ARHGEF15: variants seen among roughly 807,000 people sequenced by gnomAD.
ARHGEF15 encodes the protein Rho guanine nucleotide exchange factor (GEF) 15.
A neutral mutation model predicts 79.7 loss-of-function variants in ARHGEF15; 58 were observed. The observed-to-expected ratio is 0.73, with a 90% CI of 0.59 to 0.91. The LOEUF (loss-of-function observed/expected upper bound fraction) is 0.91. ARHGEF15 is among the 40% of genes least tolerant of loss of function. The probability of loss-of-function intolerance (pLI) is 0.00; values close to 1 mark genes in which losing one functional copy is unlikely to be tolerated. For synonymous variants in ARHGEF15, 442 were observed against 456.0 expected (o/e 0.97, Z 0.39); for missense variants, 1,012 against 1,108.1 (o/e 0.91, Z 1.23).
chr17:8,314,263 A>T (rs1904860188), intron 4 of ARHGEF15, among the ~76,000 whole-genome samples: 1 of 152,136 alleles, frequency 6.6e-6, no homozygotes, highest in South Asian at 2.1e-4. Flanking sequence ...GCTATCCAGG[A>T]TTGTTAATTA....
chr17:8,320,930 G>C lies in ARHGEF15; in HGVS notation c.2463G>C (p.Gln821His), dbSNP rs112463375. 392 of 1,614,014 alleles carry C rather than the reference G, an allele frequency of 2.4e-4. 3 individuals carry two copies. The African/African-American group carries it at 4.3e-3, about 18-fold the overall frequency. The part of the protein sequence containing the change: ...GEHERRRHLR[Q>H]NQRLLEAVGS... Reference sequence around the variant, plus strand: ...ACGAAAGGAGGAGGCACCTTCGCCAGAACCAGAGGCTTCTCGAGGCTGTTG... The same window carrying C: ...ACGAAAGGAGGAGGCACCTTCGCCACAACCAGAGGCTTCTCGAGGCTGTTG... Residue 821 changes from glutamine (Q) to histidine (H), a missense_variant, in exon 16 of 16, where the codon CAG becomes CAC. Around this residue, in one of 3 missense-constraint regions of ARHGEF15, gnomAD observed 132 missense variants for 124.2 expected, o/e 1.06. Coordinates refer to ENST00000361926, the MANE Select transcript of ARHGEF15 (RefSeq NM_173728.4).
At chr17:8,314,856 T>C in intron 4 of ARHGEF15, 50 bp from the exon 5 acceptor site, 2 of 1,604,044 alleles carry the variant, frequency 1.2e-6, no homozygotes, top group Non-Finnish European at 1.7e-6. Flanking sequence ...ACCCCTACGG[T>C]GGGCAGCAGT....
Position 8,321,033 on chromosome 17 carries a change from C to A in ARHGEF15, c.*40C>A. 6.2e-7 allele frequency: 1 copy of A among 1,611,964 alleles called. No individual in the cohort carries two copies. Among genetic ancestry groups the A allele is most frequent in the Non-Finnish European group, 8.5e-7 (1 of 1,178,546 alleles). ...GGGGCACATGTTGGGAGACACCTAC[C>A]AGTGTGGCACGGAGAGAACAAAGCC... On this transcript the variant is annotated 3_prime_UTR_variant, in exon 16 of 16. Coordinates refer to ENST00000361926, the MANE Select transcript of ARHGEF15 (RefSeq NM_173728.4).
At chr17:8,317,619 TA>T (rs1335268181) in intron 9 of ARHGEF15, among the ~76,000 whole-genome samples, 1 of 152,238 alleles carries the variant, frequency 6.6e-6, no homozygotes, top group African/African-American at 2.4e-5. Flanking sequence ...TTACTTGTCC[TA>T]CTTTAGACAT....
intron 1 of ARHGEF15, among the ~76,000 whole-genome samples, 171 bp from the exon 2 acceptor site, chr17:8,311,820 G>A (rs995636954): frequency 5.9e-5 from 9 of 151,840 alleles, no homozygotes; most frequent in African/African-American, 1.9e-4. Flanking sequence ...ACGGACACAC[G>A]GTTCAGTGGG....
Position 8,313,192 on chromosome 17 carries a change from C to A in ARHGEF15, c.872C>A (p.Thr291Asn), listed in dbSNP as rs776798109. 1.9e-6 allele frequency: 3 copies of A among 1,609,504 alleles called. No individual in the cohort carries two copies. The highest frequency in any genetic ancestry group is 1.7e-5 in the Admixed American group (1 of 60,008). ...CCAACTCGTGTCAGGCAGGATGCCA[C>A]CATTTTCGGGGACCCCCCACAGCCA... is the stretch of plus-strand genomic sequence containing the variant. ...PKPTRVRQDA[T>N]IFGDPPQPDL... Residue 291 changes from threonine to asparagine, a missense_variant, in exon 3 of 16, where the codon ACC becomes AAC. Thr to Asn is a moderately conservative substitution (Grantham distance 65). Around this residue, in one of 3 missense-constraint regions of ARHGEF15, gnomAD observed 818 missense variants for 882.5 expected, o/e 0.93. Transcript: ENST00000361926.
At position 8,318,392 on chromosome 17, in the gene ARHGEF15, C is replaced by A. The variant is rs1191886010; in HGVS notation, c.1710C>A (p.Ile570=). ...ITRLRMLLQN[I]LRQTEEGSSR... is the part of the protein sequence containing the mutation. ...CCCTTCCTCCTTGTCCCCAGAATATCCTGCGCCAGACAGAAGAGGGGTCCA... is the reference window on the plus strand; with the variant it reads ...CCCTTCCTCCTTGTCCCCAGAATATACTGCGCCAGACAGAAGAGGGGTCCA... The change falls in exon 10 of 16, where the codon ATC becomes ATA. Residue 570 remains isoleucine (I), a synonymous_variant. Coordinates refer to ENST00000361926, the MANE Select transcript of ARHGEF15 (RefSeq NM_173728.4). This position sits in a 1 kb window ranked among gnomAD's most constrained non-coding sequence, Gnocchi z 5.0. The A allele has an allele frequency of 9.3e-6, 15 of 1,613,768 alleles. No homozygotes were observed. Among genetic ancestry groups the A allele is most frequent in the African/African-American group, 2.7e-5 (2 of 74,896 alleles).
Position 8,318,192 on chromosome 17 carries a change from C to T in ARHGEF15, c.1705-195C>T, listed in dbSNP as rs1373542964. The T allele has an allele frequency of 1.7e-6, 1 of 604,016 alleles. No homozygotes were observed. The highest frequency in any genetic ancestry group is 1.8e-5 in the African/African-American group (1 of 54,070). 37.4% of individuals were successfully genotyped at this position (604,016 alleles called of 1,614,324 possible). On this transcript the variant is annotated intron_variant, in intron 9 of 15. Coordinates refer to ENST00000361926, the MANE Select transcript of ARHGEF15 (RefSeq NM_173728.4). The surrounding 1 kb of genome is among the most constrained non-coding windows in gnomAD (Gnocchi z 5.0). Reference sequence around the variant, plus strand: ...TATTGATATGCTAGGTGGGTATTAGCCCCATTTTACAGATAGGGAAGCTGA... The same window carrying T: ...TATTGATATGCTAGGTGGGTATTAGTCCCATTTTACAGATAGGGAAGCTGA...
chr17:8,316,703 T>C lies in ARHGEF15; in HGVS notation c.1704+555T>C, dbSNP rs529184214. On this transcript the variant is annotated intron_variant, in intron 9 of 15. Transcript: ENST00000361926. ...TGGTGAGGGAGATGTTTAGGGAAAATTATCTTAAAAAGGCAACTTAGTGGG... is the reference window on the plus strand; with the variant it reads ...TGGTGAGGGAGATGTTTAGGGAAAACTATCTTAAAAAGGCAACTTAGTGGG... 1.6e-4 allele frequency among the ~76,000 whole-genome samples: 25 copies of C among 152,242 alleles called. No individual in the cohort carries two copies. The South Asian group carries it at 5.2e-3, about 32-fold the overall frequency.
Position 8,313,007 on chromosome 17 carries a change from G to A in ARHGEF15, c.687G>A (p.Gly229=). The A allele has an allele frequency of 3.7e-6, 6 of 1,611,694 alleles. No individual in the cohort carries two copies. Among genetic ancestry groups the A allele is most frequent in the Non-Finnish European group, 4.2e-6 (5 of 1,178,730 alleles). ...TGGAGCTCAGATGGGTGCCTGTGGG[G>A]GGCTATGAGGAGGTCCCCAGGGTCC... The part of the protein sequence containing the change: ...PGLELRWVPV[G]GYEEVPRVPR... Residue 229 remains glycine, a synonymous_variant, in exon 3 of 16, where the codon GGG becomes GGA. Coordinates refer to ENST00000361926, the MANE Select transcript of ARHGEF15 (RefSeq NM_173728.4).
At position 8,320,964 on chromosome 17, in the gene ARHGEF15, T is replaced by C; in HGVS notation, c.2497T>C (p.Ser833Pro). ...QRLLEAVGSS[S>P]GTPNAPPP ...GCTTCTCGAGGCTGTTGGATCTTCT[T>C]CAGGCACCCCCAATGCCCCCCCACC... Residue 833 changes from serine to proline, a missense_variant, in exon 16 of 16, where the codon TCA (serine) becomes CCA (proline). Ser to Pro is a moderately conservative substitution (Grantham distance 74). Transcript: ENST00000361926. The C allele has an allele frequency of 2.5e-6, 4 of 1,613,960 alleles. No individual in the cohort carries two copies. The South Asian group carries it at 4.4e-5, about 18-fold the overall frequency.
rs377215372 is a variant in ARHGEF15 at position 8,312,052 on chromosome 17, T to A, written c.13T>A (p.Ser5Thr). MSAQ[S>T]LPAATPPTQK... ...AGCACAGAGGAAGATGTCAGCCCAG[T>A]CCCTTCCTGCAGCAACACCCCCCAC... The change falls in exon 2 of 16, where the codon TCC (serine) becomes ACC (threonine). Residue 5 changes from serine (S) to threonine (T), a missense_variant. By Grantham distance (58) the Ser-to-Thr change is moderately conservative. This residue lies in a region of ARHGEF15 where 818 missense variants were observed against 882.5 expected (regional missense o/e 0.93). Transcript: ENST00000361926. 1.3e-6 allele frequency: 2 copies of A among 1,591,484 alleles called. No individual in the cohort carries two copies. Among genetic ancestry groups the A allele is most frequent in the African/African-American group, 2.7e-5 (2 of 74,094 alleles).
chr17:8,313,455 G>T (rs1436393128), intron 3 of ARHGEF15, 46 bp from the exon 4 acceptor site: 3 of 1,598,170 alleles, frequency 1.9e-6, no homozygotes, highest in South Asian at 2.3e-5. Flanking sequence ...TCCTGGCTGG[G>T]GATCCTGGAG....
rs114332052 is a variant in ARHGEF15 at position 8,312,845 on chromosome 17, T to C, written c.602-77T>C. ...CTTGATATTGCAGTTGCTGGGCAGG[T>C]TAAAGATGGAGATGGTCTGGGCGGG... On this transcript the variant is annotated intron_variant, in intron 2 of 15. Transcript: ENST00000361926. 3.6e-4 allele frequency: 569 copies of C among 1,568,010 alleles called. 4 individuals are homozygous for C. In the African/African-American group the frequency reaches 6.7e-3, roughly 19 times the overall value.
In ARHGEF15 at chr17:8,311,998, C is replaced by T; in HGVS notation, c.-42C>T. On this transcript the variant is annotated 5_prime_UTR_variant, in exon 2 of 16. Transcript: ENST00000361926. The stretch of plus-strand genomic sequence containing the variant: ...TCCCTCCCTCCTCCTCAGGGGATGA[C>T]TCCAGCAGAGCACCTCACTCCTTTG... 2 of 1,521,928 alleles carry T rather than the reference C, an allele frequency of 1.3e-6. No homozygotes were observed. The highest frequency in any genetic ancestry group is 2.7e-5 in the South Asian group (2 of 75,306). 94.3% of individuals were successfully genotyped at this position (1,521,928 alleles called of 1,614,324 possible).
Position 8,322,491 on chromosome 17 carries a change from G to A in ARHGEF15, c.*1498G>A, listed in dbSNP as rs1250650327. ...GTGCCTGACGTGTGGGGAACCCTCA[G>A]TAAATAGTGGTGCATTTGTATTGAG... On this transcript the variant is annotated 3_prime_UTR_variant, in exon 16 of 16. Coordinates refer to ENST00000361926, the MANE Select transcript of ARHGEF15 (RefSeq NM_173728.4). 2 of 152,382 alleles carry A rather than the reference G, an allele frequency of 1.3e-5. No homozygotes were observed. Among genetic ancestry groups the A allele is most frequent in the Non-Finnish European group, 2.9e-5 (2 of 68,158 alleles). 9.4% of individuals were successfully genotyped at this position (152,382 alleles called of 1,614,324 possible). A position where few individuals can be genotyped will look rare whatever the true frequency, so the allele number is the denominator to read the frequency against.
rs745452968 is a variant in ARHGEF15, at chr17:8,318,473, G to A, written c.1779+12G>A. The stretch of plus-strand genomic sequence containing the variant: ...GTGCTGTCAGCAAGGTGGGCAGTGG[G>A]GAAGCTGAAGCAGGGGGAGGTGACA... On this transcript the variant is annotated intron_variant, in intron 10 of 15. Transcript: ENST00000361926. The surrounding 1 kb of genome is among the most constrained non-coding windows in gnomAD (Gnocchi z 5.0). 3.7e-6 allele frequency: 6 copies of A among 1,614,050 alleles called. No homozygotes were observed. Among genetic ancestry groups the A allele is most frequent in the Non-Finnish European group, 5.1e-6 (6 of 1,179,972 alleles).
In ARHGEF15 at chr17:8,313,564, C is replaced by A. The variant is rs749663183; in HGVS notation, c.989+9C>A. Reference sequence around the variant, plus strand: ...GCAACTGTGGAGGGGAGGTACTGAACACCCCCACCCCTACTCCCTGGTTCT... The same window carrying A: ...GCAACTGTGGAGGGGAGGTACTGAAAACCCCCACCCCTACTCCCTGGTTCT... On this transcript the variant is annotated intron_variant, in intron 4 of 15. Coordinates refer to ENST00000361926, the MANE Select transcript of ARHGEF15 (RefSeq NM_173728.4). The A allele has an allele frequency of 6.2e-7, 1 of 1,612,100 alleles. No homozygotes were observed. Among genetic ancestry groups the A allele is most frequent in the Non-Finnish European group, 8.5e-7 (1 of 1,179,376 alleles).
chr17:8,311,975 C>T lies in ARHGEF15; in HGVS notation c.-49-16C>T. 1 of 1,456,444 alleles carries T rather than the reference C, an allele frequency of 6.9e-7. No homozygotes were observed. The highest frequency in any genetic ancestry group is 9.1e-7 in the Non-Finnish European group (1 of 1,102,350). 90.2% of individuals were successfully genotyped at this position (1,456,444 alleles called of 1,614,324 possible). ...GGGGCACTAAGGGTCTTTCTCTTTC[C>T]CTCCCTCCTCCTCAGGGGATGACTC... is the stretch of plus-strand genomic sequence containing the variant. On this transcript the variant is annotated splice_polypyrimidine_tract_variant and intron_variant, in intron 1 of 15. Coordinates refer to ENST00000361926, the MANE Select transcript of ARHGEF15 (RefSeq NM_173728.4).
Sources: gnomAD v4.1 joint callset for allele counts (sites outside exome capture counted in the v4.1 genomes callset) on GRCh38, gnomAD v4.1.1 for gene constraint, gnomAD v4.1.1 regional missense constraint, Gnocchi (gnomAD v3.1) non-coding constraint, MANE v1.5 for transcripts, NCBI Gene and HGNC (gene_info 2026-07-23, HGNC 2026-07-21) for gene names.